The following PAX3 variants were observed in gnomAD, a reference collection of about 807,000 sequenced individuals.
PAX3 encodes paired box 3.
PAX3 carries 14 observed loss-of-function variants against 51.6 expected under a neutral mutation model. That is an observed-to-expected ratio of 0.27 (90% CI 0.18 to 0.42). The LOEUF (loss-of-function observed/expected upper bound fraction) is 0.42, where lower values mean the gene tolerates loss of function less well. Among genes scored for constraint, PAX3 ranks in the 10% least tolerant of loss-of-function variants. The pLI is 1.00. For missense variants in PAX3, 540 were observed against 642.8 expected (o/e 0.84, Z 1.73); for synonymous variants, 280 against 253.4 (o/e 1.11, Z -1.00).
At chr2:222,230,700 C>T (rs1163093200) in intron 5 of PAX3, among the ~76,000 whole-genome samples, 18 of 151,672 alleles carry the variant, frequency 1.2e-4, no homozygotes, top group Non-Finnish European at 2.7e-4. Context: ...ACTAAAAATA[C>T]AAAAATGAGC....
At chr2:222,292,041 A>G (rs1228698245) in intron 4 of PAX3, among the ~76,000 whole-genome samples, 1 of 147,948 alleles carries the variant, frequency 6.8e-6, no homozygotes, top group Admixed American at 6.8e-5. Flanking sequence ...CACAGCCCCC[A>G]CTGGGGAGAA....
intron 4 of PAX3, chr2:222,264,411 C>T (rs531272747): frequency 6.6e-6 from 1 of 152,278 alleles, no homozygotes; most frequent in South Asian, 2.1e-4. Context: ...GAAGCAATTG[C>T]TTAATGGGTC....
chr2:222,260,580 T>G (rs1472005093), intron 4 of PAX3, among the ~76,000 whole-genome samples: 38 of 48,548 alleles, frequency 7.8e-4, no homozygotes, highest in Non-Finnish European at 1.3e-3. Flanking sequence ...TTTTTTTTGT[T>G]TTTTTTTTTT....
intron 4 of PAX3, among the ~76,000 whole-genome samples, chr2:222,292,457 G>T (rs938198721): frequency 6.6e-6 from 1 of 152,208 alleles, no homozygotes; most frequent in African/African-American, 2.4e-5. Context: ...AGCTGGAAAA[G>T]TTGTACAAAT....
chr2:222,274,927 C>T (rs1694366540), intron 4 of PAX3, among the ~76,000 whole-genome samples: 1 of 152,120 alleles, frequency 6.6e-6, no homozygotes, highest in South Asian at 2.1e-4. Flanking sequence ...CAGAATCAGT[C>T]AGTTTTGTCT....
intron 7 of PAX3, among the ~76,000 whole-genome samples, chr2:222,204,034 T>C (rs1387200283): frequency 6.6e-6 from 1 of 152,166 alleles, no homozygotes; most frequent in Non-Finnish European, 1.5e-5. Flanking sequence ...ATCCCAGGAA[T>C]CTAAGATTTT....
chr2:222,279,732 A>T (rs984341065), intron 4 of PAX3, among the ~76,000 whole-genome samples: 1 of 152,260 alleles, frequency 6.6e-6, no homozygotes, highest in African/African-American at 2.4e-5. Context: ...TAGAAAAGAT[A>T]CATTTCAGGG....
chr2:222,230,159 G>A (rs1192701546), intron 5 of PAX3, among the ~76,000 whole-genome samples: 2 of 151,320 alleles, frequency 1.3e-5, no homozygotes, highest in African/African-American at 2.4e-5. Context: ...CTGGGCTACA[G>A]AATGAGACCC....
chr2:222,293,943 A>G lies in PAX3; in HGVS notation c.586+224T>C. ...CAGGGGCTGAAAGTGGTTAAGAAAG[A>G]AAGATTTACAAAACAGAAAAACTAA... is the stretch of plus-strand genomic sequence containing the variant. On this transcript the variant is annotated intron_variant, in intron 4 of 8. Coordinates refer to ENST00000392070, the MANE Select transcript of PAX3 (RefSeq NM_181458.4). The G allele has an allele frequency of 6.5e-6, 10 of 1,529,578 alleles. No homozygotes were observed. In the South Asian group the frequency reaches 1.0e-4, roughly 15 times the overall value. The allele number at this position is 1,529,578 out of a possible 1,614,324, so 94.8% of individuals were successfully genotyped here.
chr2:222,291,195 G>A (rs1428955647), intron 4 of PAX3, among the ~76,000 whole-genome samples: 2 of 152,194 alleles, frequency 1.3e-5, no homozygotes, highest in African/African-American at 2.4e-5. Flanking sequence ...GCAGGGCGGT[G>A]CCCACAGCCC....
chr2:222,286,374 G>A (rs955415913), intron 4 of PAX3, among the ~76,000 whole-genome samples: 1 of 152,220 alleles, frequency 6.6e-6, no homozygotes, highest in Non-Finnish European at 1.5e-5. Context: ...ACATAAGAAA[G>A]TATAGTCAAG....
At chr2:222,227,063 A>T (rs1327256546) in intron 5 of PAX3, among the ~76,000 whole-genome samples, 1 of 151,998 alleles carries the variant, frequency 6.6e-6, no homozygotes, top group African/African-American at 2.4e-5. Context: ...ATATTTTTTT[A>T]AATTAAAAAA....
intron 4 of PAX3, among the ~76,000 whole-genome samples, chr2:222,250,995 C>T (rs559857262): frequency 5.3e-5 from 8 of 152,292 alleles, no homozygotes; most frequent in African/African-American, 1.9e-4. Context: ...GAATTATCTC[C>T]CCCAACACTT....
chr2:222,297,276 A>C, intron 1 of PAX3, 63 bp from the exon 2 acceptor site: 16 of 1,251,828 alleles, frequency 1.3e-5, no homozygotes, highest in Non-Finnish European at 1.4e-5. Flanking sequence ...AAAGCAAAGA[A>C]CAGCAGCACG....
rs540032067 is a variant in PAX3, at chr2:222,219,742, T to C, written c.1173+398A>G. Among the ~76,000 whole-genome samples the C allele has an allele frequency of 2.0e-4, 30 of 152,266 alleles. No homozygotes were observed. The South Asian group carries it at 6.2e-3, about 32-fold the overall frequency. On this transcript the variant is annotated intron_variant, in intron 7 of 8. Coordinates refer to ENST00000392070, the MANE Select transcript of PAX3 (RefSeq NM_181458.4). Reference sequence around the variant, plus strand: ...GCTTTTGATTGAAACCTCATCAATTTAAAACCTTATCAATTGATTGAAACC... The same window carrying C: ...GCTTTTGATTGAAACCTCATCAATTCAAAACCTTATCAATTGATTGAAACC...
At chr2:222,254,555 A>G (rs1693564296) in intron 4 of PAX3, among the ~76,000 whole-genome samples, 1 of 152,206 alleles carries the variant, frequency 6.6e-6, no homozygotes, top group African/African-American at 2.4e-5. Flanking sequence ...GATCTGCCCT[A>G]AACTGATGTC....
chr2:222,279,174 G>C (rs770000059), intron 4 of PAX3, among the ~76,000 whole-genome samples: 2 of 152,106 alleles, frequency 1.3e-5, no homozygotes, highest in Admixed American at 6.5e-5. Context: ...GGCTGGTCTC[G>C]ACCTCCTGAT....
At chr2:222,207,024 G>A (rs1691537191) in intron 7 of PAX3, among the ~76,000 whole-genome samples, 1 of 152,040 alleles carries the variant, frequency 6.6e-6, no homozygotes, top group Admixed American at 6.6e-5. Flanking sequence ...GTGAATTACA[G>A]CTTTGTATGA....
intron 7 of PAX3, chr2:222,214,866 T>G (rs1691889328): frequency 6.7e-6 from 1 of 150,188 alleles, no homozygotes; most frequent in Non-Finnish European, 1.5e-5. Flanking sequence ...GGGGATTTAT[T>G]AATAACAGTT....
Sources: allele counts gnomAD v4.1 joint callset (sites outside exome capture counted in the v4.1 genomes callset), GRCh38; gene constraint gnomAD v4.1.1; transcripts MANE v1.5; gene names NCBI Gene and HGNC (gene_info 2026-07-23, HGNC 2026-07-21).